The following ACAP1 variants were observed in gnomAD, a reference collection of about 807,000 sequenced individuals.
The protein encoded by ACAP1 is arf-GAP with coiled-coil, ANK repeat and PH domain-containing protein 1.
ACAP1 carries 45 observed loss-of-function variants against 98.8 expected under a neutral mutation model. The observed-to-expected ratio is 0.46, with a 90% confidence interval of 0.36 to 0.58. The LOEUF is 0.58. ACAP1 is among the 20% of genes least tolerant of loss of function. The pLI is 0.00. For missense variants in ACAP1, 735 were observed against 971.4 expected (o/e 0.76, Z 3.24); for synonymous variants, 362 against 375.3 (o/e 0.96, Z 0.41).
rs2073332396 is a variant in ACAP1, at chr17:7,344,935, T to C, written c.854+287T>C. On this transcript the variant is annotated intron_variant, in intron 10 of 21. Coordinates refer to ENST00000158762, the MANE Select transcript of ACAP1 (RefSeq NM_014716.4). This position sits in a 1 kb window ranked among gnomAD's most constrained non-coding sequence, Gnocchi z 4.9. ...AGTGTGGGCTTCATGAGAAGGTAAC[T>C]TTTGAACAAAGACTTGAAGGATATC... 6.6e-6 allele frequency among the ~76,000 whole-genome samples: 1 copy of C among 152,130 alleles called. No homozygotes were observed. The highest frequency in any genetic ancestry group is 2.1e-4 in the South Asian group (1 of 4,824).
At chr17:7,337,925 C>T (rs1359022768) in intron 2 of ACAP1, among the ~76,000 whole-genome samples, 2 of 152,082 alleles carry the variant, frequency 1.3e-5, no homozygotes, top group Non-Finnish European at 2.9e-5. Context: ...AGGCCCTGGG[C>T]ATTCAGGGAG....
chr17:7,350,011 G>A lies in ACAP1; in HGVS notation c.1918G>A (p.Gly640Ser). ...GAACGTGAACCAAGCGGACAGTGCG[G>A]GCCGGGGCCCGCTGCACCACGCAAC... is the stretch of plus-strand genomic sequence containing the variant. ...GANVNQADSAGRGPLHHATIL... is the reference protein window; with the variant it reads ...GANVNQADSASRGPLHHATIL... Residue 640 changes from glycine (G) to serine (S), a missense_variant, in exon 19 of 22, where the codon GGC (glycine) becomes AGC (serine). Physicochemically the swap from Gly to Ser is moderately conservative, Grantham distance 56. Coordinates refer to ENST00000158762, the MANE Select transcript of ACAP1 (RefSeq NM_014716.4). This position sits in a 1 kb window ranked among gnomAD's most constrained non-coding sequence, Gnocchi z 4.6. 1.9e-6 allele frequency: 3 copies of A among 1,613,656 alleles called. No individual in the cohort carries two copies. Among genetic ancestry groups the A allele is most frequent in the Non-Finnish European group, 2.5e-6 (3 of 1,179,606 alleles).
At chr17:7,347,875 C>T in intron 14 of ACAP1, 47 bp from the exon 15 acceptor site, 5 of 1,534,084 alleles carry the variant, frequency 3.3e-6, no homozygotes, top group Non-Finnish European at 4.5e-6. Context: ...CTCCCCAGGC[C>T]ACTGCCCCCC....
At chr17:7,347,511 C>T (rs1342248379) in intron 14 of ACAP1, 1 of 517,892 alleles carries the variant, frequency 1.9e-6, no homozygotes, top group East Asian at 3.2e-5. Context: ...GGGGTCAAGG[C>T]TGCTGAGGGT....
At chr17:7,347,900 C>T (rs1007883468) in intron 14 of ACAP1, 22 bp from the exon 15 acceptor site, 58 of 1,609,698 alleles carry the variant, frequency 3.6e-5, no homozygotes, top group Non-Finnish European at 4.7e-5. Context: ...CAGGGCCTGA[C>T]CCTCCCCCTC....
intron 18 of ACAP1, 56 bp downstream of exon 18, chr17:7,349,223 A>C: frequency 6.3e-7 from 1 of 1,589,010 alleles, no homozygotes. Context: ...CCTACTCCTG[A>C]CTCTGGGCCC....
In ACAP1 at chr17:7,343,224, G is replaced by A; in HGVS notation, c.345-155G>A. ...CCCCAGTGACGGAGTTGTGAGATTG[G>A]GGGTTTCTGGTGTCCTGACTTCCGT... On this transcript the variant is annotated intron_variant, in intron 5 of 21. Transcript: ENST00000158762. This position sits in a 1 kb window ranked among gnomAD's most constrained non-coding sequence, Gnocchi z 4.9. 1 of 698,518 alleles carries A rather than the reference G, an allele frequency of 1.4e-6. No homozygotes were observed. The highest frequency in any genetic ancestry group is 2.3e-6 in the Non-Finnish European group (1 of 430,804). The allele number at this position is 698,518 out of a possible 1,614,324, so 43.3% of individuals were successfully genotyped here. A position where few individuals can be genotyped will look rare whatever the true frequency, so the allele number is the denominator to read the frequency against.
Position 7,348,316 on chromosome 17 carries a change from G to A in ACAP1, c.1519G>A (p.Glu507Lys). 6.3e-7 allele frequency: 1 copy of A among 1,585,806 alleles called. No individual in the cohort carries two copies. ...TCTCCCCTCCCACAGGCAGGAGAAG[G>A]AGGCCTGGATTCACGCTAAATACGT... ...PGPSCSRQEK[E>K]AWIHAKYVEK... The change falls in exon 17 of 22, where the codon GAG (glutamate) becomes AAG (lysine). Residue 507 changes from glutamate (E) to lysine (K), a missense_variant. Physicochemically the swap from Glu to Lys is moderately conservative, Grantham distance 56 (BLOSUM62 1). Coordinates refer to ENST00000158762, the MANE Select transcript of ACAP1 (RefSeq NM_014716.4).
Position 7,343,907 on chromosome 17 carries a change from A to G in ACAP1, c.620A>G (p.His207Arg). Residue 207 changes from histidine (H) to arginine (R), a missense_variant, in exon 8 of 22, where the codon CAT (histidine) becomes CGT (arginine). By Grantham distance (29) the His-to-Arg change is conservative. Transcript: ENST00000158762. This position sits in a 1 kb window ranked among gnomAD's most constrained non-coding sequence, Gnocchi z 4.9. ...EAQATHFQQG[H>R]EELSRLSQYR... The stretch of plus-strand genomic sequence containing the variant: ...CAGGCTACCCATTTCCAGCAGGGCC[A>G]TGAGGAGCTGAGCCGGCTGTCCCAG... 1 of 1,611,354 alleles carries G rather than the reference A, an allele frequency of 6.2e-7. No individual in the cohort carries two copies. Among genetic ancestry groups the G allele is most frequent in the Non-Finnish European group, 8.5e-7 (1 of 1,178,688 alleles).
Position 7,343,400 on chromosome 17 carries a change from G to T in ACAP1, c.366G>T (p.Glu122Asp). 6.2e-7 allele frequency: 1 copy of T among 1,613,464 alleles called. No individual in the cohort carries two copies. The highest frequency in any genetic ancestry group is 2.2e-5 in the East Asian group (1 of 44,878). ...LVKEGLRGFREARRDFWRGAE... is the reference protein window; with the variant it reads ...LVKEGLRGFRDARRDFWRGAE... Reference sequence around the variant, plus strand: ...TCAGAGGTCTGCGGGGTTTCCGAGAGGCTCGCCGGGATTTCTGGCGGGGGG... The same window carrying T: ...TCAGAGGTCTGCGGGGTTTCCGAGATGCTCGCCGGGATTTCTGGCGGGGGG... Residue 122 changes from glutamate (E) to aspartate (D), a missense_variant, in exon 6 of 22, where the codon GAG becomes GAT. Around this residue, in one of 5 missense-constraint regions of ACAP1, gnomAD observed 430 missense variants for 531.8 expected, o/e 0.81. Transcript: ENST00000158762. This position sits in a 1 kb window ranked among gnomAD's most constrained non-coding sequence, Gnocchi z 4.9.
intron 2 of ACAP1, among the ~76,000 whole-genome samples, chr17:7,339,463 A>G (rs1321938894): frequency 1.3e-5 from 2 of 151,892 alleles, no homozygotes; most frequent in Non-Finnish European, 2.9e-5. Flanking sequence ...TACAAAAATT[A>G]GCCAGGCGTG....
Position 7,350,330 on chromosome 17 carries a change from C to A in ACAP1, c.2072+93C>A. ...CGGGCGGGCGGGGCTGACGCCGAAACAGAAGCCTGTGCTGTGGGGCCTCGG... is the reference window on the plus strand; with the variant it reads ...CGGGCGGGCGGGGCTGACGCCGAAAAAGAAGCCTGTGCTGTGGGGCCTCGG... On this transcript the variant is annotated intron_variant, in intron 20 of 21. Coordinates refer to ENST00000158762, the MANE Select transcript of ACAP1 (RefSeq NM_014716.4). The surrounding 1 kb of genome is among the most constrained non-coding windows in gnomAD (Gnocchi z 4.6). 1 of 1,053,038 alleles carries A rather than the reference C, an allele frequency of 9.5e-7. No individual in the cohort carries two copies. Among genetic ancestry groups the A allele is most frequent in the Non-Finnish European group, 1.4e-6 (1 of 721,186 alleles). 65.2% of individuals were successfully genotyped at this position (1,053,038 alleles called of 1,614,324 possible). A position where few individuals can be genotyped will look rare whatever the true frequency, so the allele number is the denominator to read the frequency against.
In ACAP1 at chr17:7,341,971, C is replaced by T; in HGVS notation, c.135C>T (p.Leu45=). ...LEKLLKLGTG[L]LESGRHYLAA... Reference sequence around the variant, plus strand: ...AGCTCCTGAAACTGGGCACTGGTCTCCTGGAAAGTGGGCGCCATTACCTTG... The same window carrying T: ...AGCTCCTGAAACTGGGCACTGGTCTTCTGGAAAGTGGGCGCCATTACCTTG... The change falls in exon 3 of 22, where the codon CTC becomes CTT. Residue 45 remains leucine, a synonymous_variant. Coordinates refer to ENST00000158762, the MANE Select transcript of ACAP1 (RefSeq NM_014716.4). 6.2e-7 allele frequency: 1 copy of T among 1,614,198 alleles called. No individual in the cohort carries two copies. The highest frequency in any genetic ancestry group is 8.5e-7 in the Non-Finnish European group (1 of 1,180,034).
chr17:7,351,088 T>C, intron 21 of ACAP1, 89 bp downstream of exon 21: 1 of 1,339,940 alleles, frequency 7.5e-7, no homozygotes, highest in Admixed American at 1.8e-5. Context: ...AGTGCCCAGC[T>C]GCATTCATTC....
rs558294421 is a variant in ACAP1, at chr17:7,350,109, C to T, written c.1962-18C>T. On this transcript the variant is annotated intron_variant, in intron 19 of 21. Coordinates refer to ENST00000158762, the MANE Select transcript of ACAP1 (RefSeq NM_014716.4). This position sits in a 1 kb window ranked among gnomAD's most constrained non-coding sequence, Gnocchi z 4.6. ...GGGAGAAGTTGGGCGGCCGGCTGACCCTGGCTCTTCTCTCCAGGCTCGCCT... is the reference window on the plus strand; with the variant it reads ...GGGAGAAGTTGGGCGGCCGGCTGACTCTGGCTCTTCTCTCCAGGCTCGCCT... 2 of 1,613,772 alleles carry T rather than the reference C, an allele frequency of 1.2e-6. No individual in the cohort carries two copies. The highest frequency in any genetic ancestry group is 2.2e-5 in the East Asian group (1 of 44,882).
Position 7,336,876 on chromosome 17 carries a change from C to A in ACAP1, c.53+89C>A, listed in dbSNP as rs574467233. The A allele has an allele frequency of 5.8e-5, 84 of 1,436,344 alleles. No individual in the cohort carries two copies. The African/African-American group carries it at 9.8e-4, about 17-fold the overall frequency. The allele number at this position is 1,436,344 out of a possible 1,614,324, so 89.0% of individuals were successfully genotyped here. On this transcript the variant is annotated intron_variant, in intron 1 of 21. Transcript: ENST00000158762. ...CCTTTCCCCAGGCCAGGTCTCCTTC[C>A]AGGGAGCAGGCCTCTAAGAGGCAGG... is the stretch of plus-strand genomic sequence containing the variant.
rs113176558 is a variant in ACAP1, at chr17:7,348,862, T to G, written c.1679-133T>G. 159 of 831,232 alleles carry G rather than the reference T, an allele frequency of 1.9e-4. No individual in the cohort carries two copies. In the African/African-American group the frequency reaches 2.5e-3, roughly 13 times the overall value. The allele number at this position is 831,232 out of a possible 1,614,324, so 51.5% of individuals were successfully genotyped here. A position where few individuals can be genotyped will look rare whatever the true frequency, so the allele number is the denominator to read the frequency against. ...ACACATACCCACACTTGCATCACTC[T>G]ATTCCCTCCACAGTCCCAAGCTCCC... On this transcript the variant is annotated intron_variant, in intron 17 of 21. Coordinates refer to ENST00000158762, the MANE Select transcript of ACAP1 (RefSeq NM_014716.4).
chr17:7,343,074 G>A lies in ACAP1; in HGVS notation c.345-305G>A, dbSNP rs992328748. On this transcript the variant is annotated intron_variant, in intron 5 of 21. Coordinates refer to ENST00000158762, the MANE Select transcript of ACAP1 (RefSeq NM_014716.4). This position sits in a 1 kb window ranked among gnomAD's most constrained non-coding sequence, Gnocchi z 4.9. ...CAGCCTGGGTAACAGAGCAAGACCC[G>A]GTCTCAAAAACAAAAACAACAACAA... is the stretch of plus-strand genomic sequence containing the variant. 27 of 301,388 alleles carry A rather than the reference G, an allele frequency of 9.0e-5. No homozygotes were observed. The highest frequency in any genetic ancestry group is 3.9e-4 in the African/African-American group (18 of 46,050). 18.7% of individuals were successfully genotyped at this position (301,388 alleles called of 1,614,324 possible). A position where few individuals can be genotyped will look rare whatever the true frequency, so the allele number is the denominator to read the frequency against.
chr17:7,348,080 C>T, intron 15 of ACAP1, 47 bp from the exon 16 acceptor site: 4 of 1,611,524 alleles, frequency 2.5e-6, no homozygotes, highest in East Asian at 2.2e-5. Context: ...TGAGGAGTCA[C>T]TCACCCCCAC....
Sources: allele counts gnomAD v4.1 joint callset (sites outside exome capture counted in the v4.1 genomes callset), GRCh38; gene constraint gnomAD v4.1.1; regional missense constraint gnomAD v4.1.1; non-coding constraint Gnocchi (gnomAD v3.1); transcripts MANE v1.5; gene names NCBI Gene and HGNC (gene_info 2026-07-23, HGNC 2026-07-21).